NPEPPS: variants seen among roughly 807,000 people sequenced by gnomAD.
NPEPPS encodes the protein aminopeptidase puromycin sensitive.
NPEPPS carries 14 observed loss-of-function variants against 115.5 expected under a neutral mutation model. The observed-to-expected ratio is 0.12, with a 90% CI of 0.08 to 0.19. The LOEUF is 0.19. Among genes scored for constraint, NPEPPS ranks in the 10% least tolerant of loss-of-function variants. NPEPPS has a pLI of 1.00. For synonymous variants in NPEPPS, 285 were observed against 390.6 expected (o/e 0.73, Z 3.19); for missense variants, 523 against 1,110.8 (o/e 0.47, Z 7.52).
intron 14 of NPEPPS, among the ~76,000 whole-genome samples, chr17:47,601,101 G>A (rs1012287901): frequency 1.3e-5 from 2 of 152,092 alleles, no homozygotes; most frequent in East Asian, 3.9e-4. Flanking sequence ...TGGGCATGGT[G>A]GCACACACCT....
intron 1 of NPEPPS, among the ~76,000 whole-genome samples, chr17:47,537,776 C>T (rs1308420924): frequency 6.6e-6 from 1 of 151,160 alleles, no homozygotes; most frequent in Admixed American, 6.6e-5. Flanking sequence ...CTTTGCAATT[C>T]CTCATAGTGT....
chr17:47,544,552 T>TTTA (rs1567838831), intron 1 of NPEPPS, among the ~76,000 whole-genome samples: 1 of 144,332 alleles, frequency 6.9e-6, no homozygotes, highest in African/African-American at 2.6e-5. Flanking sequence ...TTATTTATTT[T>TTTA]GAGATAGAGT....
intron 21 of NPEPPS, chr17:47,619,380 C>A: frequency 1.8e-6 from 1 of 558,034 alleles, no homozygotes; most frequent in Non-Finnish European, 3.2e-6. Context: ...ATGGTGAAAT[C>A]CTGTCCCTAC....
At chr17:47,556,996 C>T (rs1003901323) in intron 2 of NPEPPS, among the ~76,000 whole-genome samples, 1 of 152,086 alleles carries the variant, frequency 6.6e-6, no homozygotes, top group African/African-American at 2.4e-5. Flanking sequence ...CTTTTTTTCT[C>T]AAAGAACTAA....
chr17:47,567,444 A>AC (rs1208632479), intron 2 of NPEPPS, among the ~76,000 whole-genome samples: 1 of 152,166 alleles, frequency 6.6e-6, no homozygotes, highest in Non-Finnish European at 1.5e-5. Context: ...CTGAATCGTT[A>AC]CCCACAGCAT....
In NPEPPS at chr17:47,547,915, A is replaced by C. The variant is rs545397885; in HGVS notation, c.340+1922A>C. Among the ~76,000 whole-genome samples, 7 of 152,200 alleles carry C rather than the reference A, an allele frequency of 4.6e-5. No homozygotes were observed. In the East Asian group the frequency reaches 1.4e-3, roughly 29 times the overall value. On this transcript the variant is annotated intron_variant, in intron 2 of 22. Transcript: ENST00000322157. ...GTGGCGGGCGCCTGTGGTCCCAGCT[A>C]CTCGGGAGGTTGAGGCAGGAGAATG...
At chr17:47,547,793 G>A (rs1214378849) in intron 2 of NPEPPS, among the ~76,000 whole-genome samples, 8 of 152,128 alleles carry the variant, frequency 5.3e-5, no homozygotes, top group Admixed American at 2.0e-4. Flanking sequence ...TTGGGAGGCC[G>A]AGGCGGGTGG....
chr17:47,608,289 C>G (rs1913634806), intron 17 of NPEPPS, among the ~76,000 whole-genome samples: 1 of 152,182 alleles, frequency 6.6e-6, no homozygotes, highest in East Asian at 1.9e-4. Context: ...AACCCCATCT[C>G]TACTAAAAAT....
intron 5 of NPEPPS, among the ~76,000 whole-genome samples, chr17:47,584,686 A>G (rs1464179296): frequency 6.6e-6 from 1 of 152,226 alleles, no homozygotes; most frequent in Non-Finnish European, 1.5e-5. Context: ...AATAGGAAAA[A>G]GAGGGAGAAC....
chr17:47,561,933 T>C (rs1352125855), intron 2 of NPEPPS, among the ~76,000 whole-genome samples: 2 of 152,214 alleles, frequency 1.3e-5, no homozygotes, highest in Non-Finnish European at 2.9e-5. Context: ...ATCATATTTC[T>C]ACACGGTTGT....
intron 12 of NPEPPS, among the ~76,000 whole-genome samples, chr17:47,593,414 C>T (rs1489960253): frequency 6.6e-6 from 1 of 152,012 alleles, no homozygotes; most frequent in African/African-American, 2.4e-5. Flanking sequence ...AAAATATTAG[C>T]CGGGTGTGGT....
chr17:47,535,103 C>T (rs1221659361), intron 1 of NPEPPS, among the ~76,000 whole-genome samples: 3 of 147,242 alleles, frequency 2.0e-5, no homozygotes, highest in African/African-American at 7.6e-5. Flanking sequence ...ATTAGCTGGG[C>T]GTGGTGGCGG....
At chr17:47,584,745 A>G (rs1319016003) in intron 5 of NPEPPS, among the ~76,000 whole-genome samples, 6 of 152,134 alleles carry the variant, frequency 3.9e-5, no homozygotes, top group Non-Finnish European at 7.4e-5. Flanking sequence ...TTTCTTCACA[A>G]ATAAGCTTAG....
chr17:47,611,074 G>A (rs1389379266), intron 17 of NPEPPS, among the ~76,000 whole-genome samples: 2 of 151,008 alleles, frequency 1.3e-5, no homozygotes, highest in Non-Finnish European at 1.5e-5. Context: ...GGATGGTCTC[G>A]ATCTCCTGAC....
upstream of NPEPPS, among the ~76,000 whole-genome samples, chr17:47,529,041 T>C (rs80178570): frequency 3.6e-3 from 555 of 152,354 alleles, no homozygotes; most frequent in African/African-American, 0.013. Flanking sequence ...TTTTTTGTGA[T>C]GTGGCTACTA....
At position 47,571,287 on chromosome 17, in the gene NPEPPS, A is replaced by G. The variant is rs1911175279; in HGVS notation, c.418+1793A>G. On this transcript the variant is annotated intron_variant, in intron 3 of 22. Coordinates refer to ENST00000322157, the MANE Select transcript of NPEPPS (RefSeq NM_006310.4). ...ATTGGTGATTTTTATTCTTATTTAT[A>G]TCTTTTGTCTGATTTTCACAATTTT... Among the ~76,000 whole-genome samples the G allele has an allele frequency of 2.0e-5, 3 of 152,266 alleles. No individual in the cohort carries two copies. The South Asian group carries it at 6.2e-4, about 32-fold the overall frequency.
Position 47,592,504 on chromosome 17 carries a change from A to G in NPEPPS, c.1385A>G (p.Asn462Ser), listed in dbSNP as rs909768697. The G allele has an allele frequency of 6.3e-7, 1 of 1,592,380 alleles. No individual in the cohort carries two copies. The highest frequency in any genetic ancestry group is 1.3e-5 in the African/African-American group (1 of 74,602). ...TCTCAGGACTTTAAGAAAGGAATGA[A>G]CATGTATTTAACCAAGTTCCAACAA... ...IGDKDFKKGM[N>S]MYLTKFQQKN... Residue 462 changes from asparagine to serine, a missense_variant, in exon 12 of 23, where the codon AAC (asparagine) becomes AGC (serine). Asn to Ser is a conservative substitution (Grantham distance 46, BLOSUM62 1). Coordinates refer to ENST00000322157, the MANE Select transcript of NPEPPS (RefSeq NM_006310.4).
chr17:47,569,834 G>C (rs1266926958), intron 3 of NPEPPS, among the ~76,000 whole-genome samples: 1 of 152,112 alleles, frequency 6.6e-6, no homozygotes, highest in African/African-American at 2.4e-5. Flanking sequence ...GGCCAGGCTG[G>C]TCTTGAACTC....
intron 2 of NPEPPS, among the ~76,000 whole-genome samples, chr17:47,556,669 G>A (rs1910058023): frequency 6.6e-6 from 1 of 152,088 alleles, no homozygotes. Context: ...GGGCAGAGGT[G>A]CCCCCCACCT....
Sources: allele counts gnomAD v4.1 joint callset (sites outside exome capture counted in the v4.1 genomes callset), GRCh38; gene constraint gnomAD v4.1.1; transcripts MANE v1.5; gene names NCBI Gene and HGNC (gene_info 2026-07-23, HGNC 2026-07-21).